TLR9: variants seen among roughly 807,000 people sequenced by gnomAD.
The protein encoded by TLR9 is toll-like receptor 9.
In TLR9, 19 loss-of-function variants were observed where a neutral mutation model predicts 24.6. The ratio of observed to expected loss-of-function variants is 0.77; its 90% confidence interval spans 0.54 to 1.13. The LOEUF (loss-of-function observed/expected upper bound fraction) is 1.13, where lower values mean the gene tolerates loss of function less well. Among genes scored for constraint, TLR9 ranks in the 50% most tolerant of loss-of-function variants. TLR9 has a pLI of 0.00. For synonymous variants in TLR9, 579 were observed against 609.8 expected (o/e 0.95, Z 0.74); for missense variants, 1,065 against 1,379.6 (o/e 0.77, Z 3.61).
Position 52,221,615 on chromosome 3 carries a change from G to A in TLR9, c.2701C>T (p.Arg901Cys), listed in dbSNP as rs751129636. ...LRGQLEECRG[R>C]WALRLCLEER... ...TCCAGGCACAGGCGGAGTGCCCAGCGCCCACGGCACTCCTCCAGCTGCCCC... is the reference window on the plus strand; with the variant it reads ...TCCAGGCACAGGCGGAGTGCCCAGCACCCACGGCACTCCTCCAGCTGCCCC... Residue 901 changes from arginine (R) to cysteine (C), a missense_variant, in exon 2 of 2, where the codon CGC (arginine) becomes TGC (cysteine). Coordinates refer to ENST00000360658, the MANE Select transcript of TLR9 (RefSeq NM_017442.4). The surrounding 1 kb of genome is among the most constrained non-coding windows in gnomAD (Gnocchi z 9.9). 8.1e-6 allele frequency: 13 copies of A among 1,613,424 alleles called. No homozygotes were observed. Among genetic ancestry groups the A allele is most frequent in the Middle Eastern group, 1.6e-4 (1 of 6,082 alleles).
At position 52,224,047 on chromosome 3, in the gene TLR9, C is replaced by T. The variant is rs766103514; in HGVS notation, c.269G>A (p.Arg90Gln). The T allele has an allele frequency of 7.6e-6, 12 of 1,578,008 alleles. No homozygotes were observed. Among genetic ancestry groups the T allele is most frequent in the African/African-American group, 2.7e-5 (2 of 74,300 alleles). Residue 90 changes from arginine to glutamine, a missense_variant, in exon 2 of 2, where the codon CGG becomes CAG. Transcript: ENST00000360658. ...GCAGTTCCACTTGAGGTTGAGATGC[C>T]GCAGGCTGGGCAGGTGGGCAAAGTC... is the stretch of plus-strand genomic sequence containing the variant. ...DSDFAHLPSLRHLNLKWNCPP... is the reference protein window; with the variant it reads ...DSDFAHLPSLQHLNLKWNCPP...
rs561203848 is a variant in TLR9, at chr3:52,223,031, C to T, written c.1285G>A (p.Gly429Arg). ...ATGGTGGCTGTCAGCTCCGAAGCTC[C>T]GCTGATGCGGTTGTCCGACAGGTCC... is the stretch of plus-strand genomic sequence containing the variant. Reference protein sequence around the residue: ...YVDLSDNRISGASELTATMGE... With the variant: ...YVDLSDNRISRASELTATMGE... The change falls in exon 2 of 2, where the codon GGA becomes AGA. Residue 429 changes from glycine (G) to arginine (R), a missense_variant. Physicochemically the swap from Gly to Arg is moderately radical, Grantham distance 125 (BLOSUM62 -2). Coordinates refer to ENST00000360658, the MANE Select transcript of TLR9 (RefSeq NM_017442.4). 23 of 1,587,432 alleles carry T rather than the reference C, an allele frequency of 1.4e-5. No homozygotes were observed. In the East Asian group the frequency reaches 3.8e-4, roughly 26 times the overall value.
chr3:52,225,378 G>A (rs938936953), intron 1 of TLR9, 149 bp downstream of exon 1: 12 of 919,198 alleles, frequency 1.3e-5, no homozygotes, highest in African/African-American at 3.5e-5. Context: ...AGAGGGCTTC[G>A]GCTCTGAAGT....
In TLR9 at chr3:52,222,371, G is replaced by A. The variant is rs1314371566; in HGVS notation, c.1945C>T (p.Arg649Cys). 13 of 1,614,106 alleles carry A rather than the reference G, an allele frequency of 8.1e-6. No homozygotes were observed. The highest frequency in any genetic ancestry group is 1.6e-4 in the Middle Eastern group (1 of 6,084). Residue 649 changes from arginine (R) to cysteine (C), a missense_variant, in exon 2 of 2, where the codon CGC (arginine) becomes TGC (cysteine). Physicochemically the swap from Arg to Cys is radical, Grantham distance 180. Coordinates refer to ENST00000360658, the MANE Select transcript of TLR9 (RefSeq NM_017442.4). ...RLHTLLPQTLRNLPKSLQVLR... is the reference protein window; with the variant it reads ...RLHTLLPQTLCNLPKSLQVLR... ...ACCTGTAGGCTCTTGGGGAGGTTGC[G>A]CAGGGTTTGGGGCAGGAGGGTGTGC...
At chr3:52,224,361 C>T in intron 1 of TLR9, 49 bp from the exon 2 acceptor site, 1 of 1,378,140 alleles carries the variant, frequency 7.3e-7, no homozygotes, top group Non-Finnish European at 1.0e-6. Context: ...AGCTCTACCT[C>T]CACCCACTCC....
chr3:52,225,535 G>T lies in TLR9; in HGVS notation c.-6C>A. Reference sequence around the variant, plus strand: ...GAGAGCTGTTGTCCTACCATGCTGGGGGGCAGGGGCTTCTCCAGAGGGTCT... The same window carrying T: ...GAGAGCTGTTGTCCTACCATGCTGGTGGGCAGGGGCTTCTCCAGAGGGTCT... On this transcript the variant is annotated 5_prime_UTR_variant, in exon 1 of 2. Transcript: ENST00000360658. The T allele has an allele frequency of 6.3e-7, 1 of 1,584,604 alleles. No individual in the cohort carries two copies. Among genetic ancestry groups the T allele is most frequent in the African/African-American group, 1.4e-5 (1 of 72,590 alleles).
chr3:52,222,747 C>T lies in TLR9; in HGVS notation c.1569G>A (p.Leu523=). 6.2e-7 allele frequency: 1 copy of T among 1,614,022 alleles called. No homozygotes were observed. The highest frequency in any genetic ancestry group is 1.1e-5 in the South Asian group (1 of 91,088). The change falls in exon 2 of 2, where the codon CTG becomes CTA. Residue 523 remains leucine (L), a synonymous_variant. Transcript: ENST00000360658. ...TATTGTGGGACAGGTCTAGCACCTGCAGACCGGTCAGCGGCAGGAACTGGG... is the reference window on the plus strand; with the variant it reads ...TATTGTGGGACAGGTCTAGCACCTGTAGACCGGTCAGCGGCAGGAACTGGG... ...NGSQFLPLTG[L]QVLDLSHNKL...
Position 52,221,731 on chromosome 3 carries a change from C to A in TLR9, c.2585G>T (p.Gly862Val). The change falls in exon 2 of 2, where the codon GGG (glycine) becomes GTG (valine). Residue 862 changes from glycine (G) to valine (V), a missense_variant. By Grantham distance (109) the Gly-to-Val change is moderately radical. Transcript: ENST00000360658. This position sits in a 1 kb window ranked among gnomAD's most constrained non-coding sequence, Gnocchi z 9.9. ...GTAGGGCAGGGCATCCTCATCTCGC[C>A]CACTTTGCCGCCCCCGCCAGGGAAG... ...AWLPWRGRQS[G>V]RDEDALPYDA... 1 of 1,613,942 alleles carries A rather than the reference C, an allele frequency of 6.2e-7. No individual in the cohort carries two copies. Among genetic ancestry groups the A allele is most frequent in the Non-Finnish European group, 8.5e-7 (1 of 1,180,014 alleles).
At position 52,222,980 on chromosome 3, in the gene TLR9, C is replaced by A. The variant is rs200190729; in HGVS notation, c.1336G>T (p.Val446Phe). The A allele has an allele frequency of 3.2e-5, 51 of 1,593,642 alleles. No homozygotes were observed. Among genetic ancestry groups the A allele is most frequent in the African/African-American group, 8.0e-5 (6 of 74,628 alleles). Residue 446 changes from valine (V) to phenylalanine (F), a missense_variant, in exon 2 of 2, where the codon GTC becomes TTC. Transcript: ENST00000360658. ...TMGEADGGEK[V>F]WLQPGDLAPA... is the part of the protein sequence containing the mutation. Reference sequence around the variant, plus strand: ...GCAAGGTCCCCAGGCTGCAGCCAGACCTTCTCCCCTCCATCTGCCTCCCCC... The same window carrying A: ...GCAAGGTCCCCAGGCTGCAGCCAGAACTTCTCCCCTCCATCTGCCTCCCCC...
intron 1 of TLR9, among the ~76,000 whole-genome samples, chr3:52,225,101 T>C (rs534712889): frequency 6.6e-6 from 1 of 152,208 alleles, no homozygotes; most frequent in African/African-American, 2.4e-5. Flanking sequence ...TCCCAGCAGT[T>C]TGGGAAGCCG....
Position 52,221,884 on chromosome 3 carries a change from T to A in TLR9, c.2432A>T (p.Asp811Val). The change falls in exon 2 of 2, where the codon GAT becomes GTT. Residue 811 changes from aspartate to valine, a missense_variant. Coordinates refer to ENST00000360658, the MANE Select transcript of TLR9 (RefSeq NM_017442.4). The surrounding 1 kb of genome is among the most constrained non-coding windows in gnomAD (Gnocchi z 9.9). ...IFAQDLRLCL[D>V]EALSWDCFAL... ...GAAACAGTCCCAGGAGAGGGCCTCA[T>A]CCAGGCAGAGGCGCAGGTCCTGTGC... 6.2e-7 allele frequency: 1 copy of A among 1,613,708 alleles called. No individual in the cohort carries two copies.
Position 52,225,544 on chromosome 3 carries a change from G to A in TLR9, c.-15C>T. The A allele has an allele frequency of 3.2e-6, 5 of 1,584,116 alleles. No homozygotes were observed. The highest frequency in any genetic ancestry group is 3.4e-6 in the Non-Finnish European group (4 of 1,169,686). On this transcript the variant is annotated 5_prime_UTR_variant, in exon 1 of 2. Coordinates refer to ENST00000360658, the MANE Select transcript of TLR9 (RefSeq NM_017442.4). ...TGTCCTACCATGCTGGGGGGCAGGG[G>A]CTTCTCCAGAGGGTCTGGCGGGCAG... is the stretch of plus-strand genomic sequence containing the variant.
rs755237500 is a variant in TLR9 at position 52,222,135 on chromosome 3, C to T, written c.2181G>A (p.Leu727=). ...APGFFSKAKE[L]RELNLSANAL... is the part of the protein sequence containing the mutation. ...CGTTGGCGCTAAGGTTGAGCTCTCG[C>T]AGCTCCTTGGCCTTGGAAAAGAAGC... The change falls in exon 2 of 2, where the codon CTG becomes CTA. Residue 727 remains leucine (L), a synonymous_variant. Coordinates refer to ENST00000360658, the MANE Select transcript of TLR9 (RefSeq NM_017442.4). 2 of 1,612,648 alleles carry T rather than the reference C, an allele frequency of 1.2e-6. No individual in the cohort carries two copies. Among genetic ancestry groups the T allele is most frequent in the Non-Finnish European group, 1.7e-6 (2 of 1,179,300 alleles).
At position 52,221,216 on chromosome 3, in the gene TLR9, G is replaced by T. The variant is rs1577979169; in HGVS notation, c.*1C>A. ...GCACCGTGCAGGATTCCGGCTCACG[G>T]CTATTCGGCCGTGGGTCCCTGGCAG... On this transcript the variant is annotated 3_prime_UTR_variant, in exon 2 of 2. Transcript: ENST00000360658. The surrounding 1 kb of genome is among the most constrained non-coding windows in gnomAD (Gnocchi z 9.9). 6.6e-7 allele frequency: 1 copy of T among 1,511,856 alleles called. No homozygotes were observed. Among genetic ancestry groups the T allele is most frequent in the African/African-American group, 1.4e-5 (1 of 71,654 alleles). The allele number at this position is 1,511,856 out of a possible 1,614,324, so 93.7% of individuals were successfully genotyped here.
intron 1 of TLR9, among the ~76,000 whole-genome samples, 184 bp downstream of exon 1, chr3:52,225,343 C>CAA (rs981581476): frequency 3.3e-4 from 34 of 101,710 alleles, no homozygotes; most frequent in Non-Finnish European, 5.4e-4. Context: ...AACTCCGTCT[C>CAA]AAAAAAAAAA....
At position 52,222,151 on chromosome 3, in the gene TLR9, G is replaced by C; in HGVS notation, c.2165C>G (p.Ser722Cys). The C allele has an allele frequency of 1.2e-6, 2 of 1,613,618 alleles. No individual in the cohort carries two copies. The highest frequency in any genetic ancestry group is 1.7e-6 in the Non-Finnish European group (2 of 1,179,794). The change falls in exon 2 of 2, where the codon TCC (serine) becomes TGC (cysteine). Residue 722 changes from serine to cysteine, a missense_variant. By Grantham distance (112) the Ser-to-Cys change is moderately radical. Transcript: ENST00000360658. Reference sequence around the variant, plus strand: ...GAGCTCTCGCAGCTCCTTGGCCTTGGAAAAGAAGCCGGGGGCCACGAAGCT... The same window carrying C: ...GAGCTCTCGCAGCTCCTTGGCCTTGCAAAAGAAGCCGGGGGCCACGAAGCT... ...SISFVAPGFFSKAKELRELNL... is the reference protein window; with the variant it reads ...SISFVAPGFFCKAKELRELNL...
At chr3:52,224,481 C>A (rs148188658) in intron 1 of TLR9, among the ~76,000 whole-genome samples, 169 bp from the exon 2 acceptor site, 151 of 152,326 alleles carry the variant, frequency 9.9e-4, no homozygotes, top group African/African-American at 3.5e-3. Flanking sequence ...TTGTGGGGAA[C>A]CTGAACTCAG....
In TLR9 at chr3:52,222,165, G is replaced by A; in HGVS notation, c.2151C>T (p.Ala717=). The A allele has an allele frequency of 6.2e-7, 1 of 1,613,842 alleles. No homozygotes were observed. The highest frequency in any genetic ancestry group is 8.5e-7 in the Non-Finnish European group (1 of 1,179,920). Residue 717 remains alanine (A), a synonymous_variant, in exon 2 of 2, where the codon GCC becomes GCT. Coordinates refer to ENST00000360658, the MANE Select transcript of TLR9 (RefSeq NM_017442.4). ...DVSCNSISFV[A]PGFFSKAKEL... is the part of the protein sequence containing the mutation. ...CCTTGGCCTTGGAAAAGAAGCCGGG[G>A]GCCACGAAGCTGATGCTGTTGCAGC...
chr3:52,221,638 C>G lies in TLR9; in HGVS notation c.2678G>C (p.Gly893Ala), dbSNP rs1371871166. The G allele has an allele frequency of 3.1e-6, 5 of 1,613,884 alleles. No individual in the cohort carries two copies. The highest frequency in any genetic ancestry group is 3.4e-6 in the Non-Finnish European group (4 of 1,180,000). Residue 893 changes from glycine (G) to alanine (A), a missense_variant, in exon 2 of 2, where the codon GGG becomes GCG. Coordinates refer to ENST00000360658, the MANE Select transcript of TLR9 (RefSeq NM_017442.4). This position sits in a 1 kb window ranked among gnomAD's most constrained non-coding sequence, Gnocchi z 9.9. ...VADWVYNELR[G>A]QLEECRGRWA... ...GCGCCCACGGCACTCCTCCAGCTGC[C>G]CCCGAAGCTCGTTGTACACCCAGTC...
Sources: gnomAD v4.1 joint callset for allele counts (sites outside exome capture counted in the v4.1 genomes callset) on GRCh38, gnomAD v4.1.1 for gene constraint, Gnocchi (gnomAD v3.1) non-coding constraint, MANE v1.5 for transcripts, NCBI Gene and HGNC (gene_info 2026-07-23, HGNC 2026-07-21) for gene names.